C15orf61: variants seen among roughly 807,000 people sequenced by gnomAD.
C15orf61 encodes the protein uncharacterized protein C15orf61.
Under a neutral mutation model 13.7 loss-of-function variants are expected in C15orf61, and 12 were observed. The observed-to-expected ratio is 0.88, with a 90% CI of 0.56 to 1.42. The LOEUF (loss-of-function observed/expected upper bound fraction) is 1.42. Among genes scored for constraint, C15orf61 ranks in the 40% most tolerant of loss-of-function variants. The pLI, the probability that C15orf61 is intolerant of heterozygous loss-of-function variation, is 0.00. For missense variants in C15orf61, 248 were observed against 213.2 expected (o/e 1.16, Z -1.02); for synonymous variants, 92 against 94.1 (o/e 0.98, Z 0.13).
In C15orf61 at chr15:67,525,048, C is replaced by G. The variant is rs1053356560; in HGVS notation, c.347-1370C>G. On this transcript the variant is annotated intron_variant, in intron 1 of 1. Transcript: ENST00000342683. This position sits in a 1 kb window ranked among gnomAD's most constrained non-coding sequence, Gnocchi z 4.9. ...ACGGGGTTTCTCCATGTTGGTCAGG[C>G]TGGTCTCGAACTCCCAACCTCAGGT... Among the ~76,000 whole-genome samples the G allele has an allele frequency of 2.0e-5, 3 of 152,108 alleles. No individual in the cohort carries two copies. Among genetic ancestry groups the G allele is most frequent in the Non-Finnish European group, 2.9e-5 (2 of 68,020 alleles).
Position 67,525,580 on chromosome 15 carries a change from G to GT in C15orf61, c.347-830dup, listed in dbSNP as rs554436129. Among the ~76,000 whole-genome samples, 29 of 151,888 alleles carry GT rather than the reference G, an allele frequency of 1.9e-4. No individual in the cohort carries two copies. The highest frequency in any genetic ancestry group is 3.4e-4 in the Non-Finnish European group (23 of 67,956). The stretch of plus-strand genomic sequence containing the variant: ...ATCAATTGAAAAAATGCTAATAATA[G>GT]TTTTTTTTCTCATGCCTGTTGTACT... On this transcript the variant is annotated intron_variant, in intron 1 of 1. Coordinates refer to ENST00000342683, the MANE Select transcript of C15orf61 (RefSeq NM_001143936.2). This position sits in a 1 kb window ranked among gnomAD's most constrained non-coding sequence, Gnocchi z 4.9.
In C15orf61 at chr15:67,521,495, G is replaced by A. The variant is rs774861733; in HGVS notation, c.247G>A (p.Gly83Ser). The change falls in exon 1 of 2, where the codon GGC becomes AGC. Residue 83 changes from glycine to serine, a missense_variant. Gly to Ser is a moderately conservative substitution (Grantham distance 56). Transcript: ENST00000342683. Reference protein sequence around the residue: ...QGANYHVLRTGCFPFIKYHCS... With the variant: ...QGANYHVLRTSCFPFIKYHCS... ...CGCCAACTACCACGTCCTGCGCACC[G>A]GCTGCTTCCCCTTCATCAAGTACCA... 2.2e-5 allele frequency: 34 copies of A among 1,548,434 alleles called. No homozygotes were observed. Among genetic ancestry groups the A allele is most frequent in the East Asian group, 7.3e-5 (3 of 40,912 alleles).
In C15orf61 at chr15:67,528,483, G is replaced by A. The variant is rs2084210684; in HGVS notation, c.*1938G>A. 6.6e-6 allele frequency: 1 copy of A among 152,180 alleles called. No individual in the cohort carries two copies. The highest frequency in any genetic ancestry group is 6.5e-5 in the Admixed American group (1 of 15,272). 9.4% of individuals were successfully genotyped at this position (152,180 alleles called of 1,614,324 possible). A position where few individuals can be genotyped will look rare whatever the true frequency, so the allele number is the denominator to read the frequency against. On this transcript the variant is annotated 3_prime_UTR_variant, in exon 2 of 2. Transcript: ENST00000342683. ...CTCTTGCTCTTACGGAGTTGATCAT[G>A]GTGAAGGATGAACTAACTCAACAAT...
chr15:67,526,382 A>T, intron 1 of C15orf61, 36 bp from the exon 2 acceptor site: 2 of 1,357,726 alleles, frequency 1.5e-6, no homozygotes, highest in Non-Finnish European at 2.0e-6. Context: ...ATGATTAATA[A>T]GCATTGATGT....
At chr15:67,524,673 T>C (rs1271260720) in intron 1 of C15orf61, among the ~76,000 whole-genome samples, 1 of 152,120 alleles carries the variant, frequency 6.6e-6, no homozygotes, top group Non-Finnish European at 1.5e-5. Context: ...TCCTGATTAA[T>C]CTCTGGCATC....
At chr15:67,526,200 G>A (rs72747462) in intron 1 of C15orf61, among the ~76,000 whole-genome samples, 60,214 of 151,670 alleles carry the variant, frequency 0.4, 13,124 homozygotes, top group Non-Finnish European at 0.51. Flanking sequence ...ATTTATACCC[G>A]CCTTGTCTAT....
chr15:67,521,859 C>T (rs2084167201), intron 1 of C15orf61: 2 of 619,930 alleles, frequency 3.2e-6, no homozygotes, highest in Non-Finnish European at 5.7e-6. Flanking sequence ...CTGTCCTGCC[C>T]ATGTTAACCA....
rs943126370 is a variant in C15orf61 at position 67,528,374 on chromosome 15, C to T, written c.*1829C>T. ...ATTCTCTGCTGCTTGCAGCATTAAACAGGGCCTTGATTTCTTGTCTGATGT... is the reference window on the plus strand; with the variant it reads ...ATTCTCTGCTGCTTGCAGCATTAAATAGGGCCTTGATTTCTTGTCTGATGT... On this transcript the variant is annotated 3_prime_UTR_variant, in exon 2 of 2. Coordinates refer to ENST00000342683, the MANE Select transcript of C15orf61 (RefSeq NM_001143936.2). 6.6e-6 allele frequency: 1 copy of T among 152,228 alleles called. No individual in the cohort carries two copies. The highest frequency in any genetic ancestry group is 2.4e-5 in the African/African-American group (1 of 41,466). 9.4% of individuals were successfully genotyped at this position (152,228 alleles called of 1,614,324 possible).
rs540384694 is a variant in C15orf61, at chr15:67,527,757, G to A, written c.*1212G>A. Reference sequence around the variant, plus strand: ...CAGAATAATGAAGTAATACAAACTAGCTTCGTTAAAGGTAGTCATTTTAAA... The same window carrying A: ...CAGAATAATGAAGTAATACAAACTAACTTCGTTAAAGGTAGTCATTTTAAA... On this transcript the variant is annotated 3_prime_UTR_variant, in exon 2 of 2. Coordinates refer to ENST00000342683, the MANE Select transcript of C15orf61 (RefSeq NM_001143936.2). 1 of 152,260 alleles carries A rather than the reference G, an allele frequency of 6.6e-6. No individual in the cohort carries two copies. Among genetic ancestry groups the A allele is most frequent in the East Asian group, 1.9e-4 (1 of 5,192 alleles). The allele number at this position is 152,260 out of a possible 1,614,324, so 9.4% of individuals were successfully genotyped here. A position where few individuals can be genotyped will look rare whatever the true frequency, so the allele number is the denominator to read the frequency against.
chr15:67,525,580 G>GTT lies in C15orf61; in HGVS notation c.347-831_347-830dup, dbSNP rs554436129. Among the ~76,000 whole-genome samples, 2 of 151,888 alleles carry GTT rather than the reference G, an allele frequency of 1.3e-5. No homozygotes were observed. The highest frequency in any genetic ancestry group is 2.9e-5 in the Non-Finnish European group (2 of 67,956). On this transcript the variant is annotated intron_variant, in intron 1 of 1. Coordinates refer to ENST00000342683, the MANE Select transcript of C15orf61 (RefSeq NM_001143936.2). This position sits in a 1 kb window ranked among gnomAD's most constrained non-coding sequence, Gnocchi z 4.9. ...ATCAATTGAAAAAATGCTAATAATA[G>GTT]TTTTTTTTCTCATGCCTGTTGTACT...
rs2084214675 is a variant in C15orf61 at position 67,529,104 on chromosome 15, T to A, written c.*2559T>A. The A allele has an allele frequency of 6.6e-6, 1 of 152,186 alleles. No individual in the cohort carries two copies. The highest frequency in any genetic ancestry group is 2.1e-4 in the South Asian group (1 of 4,832). 9.4% of individuals were successfully genotyped at this position (152,186 alleles called of 1,614,324 possible). On this transcript the variant is annotated 3_prime_UTR_variant, in exon 2 of 2. Coordinates refer to ENST00000342683, the MANE Select transcript of C15orf61 (RefSeq NM_001143936.2). The surrounding 1 kb of genome is among the most constrained non-coding windows in gnomAD (Gnocchi z 4.4). ...TCTTTGACAGGATTTTTATCTTTAATCCAACCAAAACTGTTTTAATAAAGG... is the reference window on the plus strand; with the variant it reads ...TCTTTGACAGGATTTTTATCTTTAAACCAACCAAAACTGTTTTAATAAAGG...
chr15:67,522,303 T>A, intron 1 of C15orf61: 1 of 685,162 alleles, frequency 1.5e-6, no homozygotes, highest in South Asian at 1.6e-5. Flanking sequence ...GGCCTCAAGA[T>A]GTTTTGAACT....
rs1567253399 is a variant in C15orf61, at chr15:67,525,516, ATATC to A, written c.347-898_347-895del. On this transcript the variant is annotated intron_variant, in intron 1 of 1. Transcript: ENST00000342683. This position sits in a 1 kb window ranked among gnomAD's most constrained non-coding sequence, Gnocchi z 4.9. ...AGAAACACATGTTGGAGTCTACTAT[ATATC>A]TATTTCAAATTGGTTGAAATGAGGT... 6.6e-6 allele frequency among the ~76,000 whole-genome samples: 1 copy of A among 152,224 alleles called. No individual in the cohort carries two copies. Among genetic ancestry groups the A allele is most frequent in the Non-Finnish European group, 1.5e-5 (1 of 68,050 alleles).
At chr15:67,521,984 T>G (rs987345056) in intron 1 of C15orf61, 3 of 693,884 alleles carry the variant, frequency 4.3e-6, no homozygotes, top group African/African-American at 3.5e-5. Context: ...CCCGTGAACA[T>G]CACTTTGCAG....
At chr15:67,522,180 C>T in intron 1 of C15orf61, 1 of 702,020 alleles carries the variant, frequency 1.4e-6, no homozygotes, top group South Asian at 1.5e-5. Context: ...CATGGAGACG[C>T]CCTGAGGATG....
rs984429019 is a variant in C15orf61, at chr15:67,526,532, G to T, written c.461G>T (p.Gly154Val). The change falls in exon 2 of 2, where the codon GGT becomes GTT. Residue 154 changes from glycine (G) to valine (V), a missense_variant. By Grantham distance (109) the Gly-to-Val change is moderately radical. Coordinates refer to ENST00000342683, the MANE Select transcript of C15orf61 (RefSeq NM_001143936.2). ...TVYFLNKEDE[G>V]AMY ...TATTTTCTCAATAAAGAAGATGAAG[G>T]TGCCATGTATTGAAAGTGTGCGTCA... The T allele has an allele frequency of 6.5e-7, 1 of 1,532,634 alleles. No individual in the cohort carries two copies. Among genetic ancestry groups the T allele is most frequent in the Non-Finnish European group, 8.8e-7 (1 of 1,137,512 alleles). 94.9% of individuals were successfully genotyped at this position (1,532,634 alleles called of 1,614,324 possible).
At position 67,526,600 on chromosome 15, in the gene C15orf61, G is replaced by A. The variant is rs553052874; in HGVS notation, c.*55G>A. The A allele has an allele frequency of 1.3e-4, 176 of 1,387,956 alleles. No homozygotes were observed. Among genetic ancestry groups the A allele is most frequent in the East Asian group, 1.1e-4 (4 of 37,026 alleles). The allele number at this position is 1,387,956 out of a possible 1,614,324, so 86.0% of individuals were successfully genotyped here. A position where few individuals can be genotyped will look rare whatever the true frequency, so the allele number is the denominator to read the frequency against. On this transcript the variant is annotated 3_prime_UTR_variant, in exon 2 of 2. Transcript: ENST00000342683. ...TGGATTTTCTCTGTGTATATGTGCA[G>A]TATTTATTTTTGATCCTTTAAAATA...
intron 1 of C15orf61, among the ~76,000 whole-genome samples, 185 bp from the exon 2 acceptor site, chr15:67,526,233 C>T (rs542663590): frequency 6.6e-6 from 1 of 152,142 alleles, no homozygotes; most frequent in South Asian, 2.1e-4. Flanking sequence ...TCTGGACTCA[C>T]GTGATTGCCA....
intron 1 of C15orf61, 161 bp downstream of exon 1, chr15:67,521,755 C>T (rs2140926466): frequency 3.9e-6 from 3 of 761,268 alleles, no homozygotes; most frequent in Admixed American, 5.9e-5. Flanking sequence ...TACTCCTCGC[C>T]CAGGGGGTCC....
Sources: gnomAD v4.1 joint callset for allele counts (sites outside exome capture counted in the v4.1 genomes callset) on GRCh38, gnomAD v4.1.1 for gene constraint, Gnocchi (gnomAD v3.1) non-coding constraint, MANE v1.5 for transcripts, NCBI Gene and HGNC (gene_info 2026-07-23, HGNC 2026-07-21) for gene names.